The following ECT2L variants were observed in gnomAD, a reference collection of about 807,000 sequenced individuals.
ECT2L encodes epithelial cell-transforming sequence 2 oncogene-like.
In ECT2L, 126 loss-of-function variants were observed where a neutral mutation model predicts 122.8. The ratio of observed to expected loss-of-function variants is 1.03; its 90% CI spans 0.89 to 1.19. The LOEUF (loss-of-function observed/expected upper bound fraction) is 1.19, where lower values mean the gene tolerates loss of function less well. ECT2L is among the 50% of genes most tolerant of loss of function. The pLI, the probability that ECT2L is intolerant of heterozygous loss-of-function variation, is 0.00. For missense variants in ECT2L, 1,012 were observed against 1,064.1 expected (o/e 0.95, Z 0.68); for synonymous variants, 385 against 381.8 (o/e 1.01, Z -0.10).
intron 4 of ECT2L, among the ~76,000 whole-genome samples, chr6:138,835,551 CAAAA>C (rs34328066): frequency 1.7e-5 from 2 of 117,870 alleles, no homozygotes. Context: ...GGCCCTGTCT[CAAAA>C]AAAAAAAAAA....
At position 138,813,204 on chromosome 6, in the gene ECT2L, C is replaced by A; in HGVS notation, c.-71C>A. On this transcript the variant is annotated 5_prime_UTR_variant, in exon 3 of 22. In the 5' UTR this introduces an upstream ATG that the reference lacks. Transcript: ENST00000541398. ...TAATTGCACACCTATTGAAATAAACCTGTAGTTTCTAGAAGTGGAAGAAAA... is the reference window on the plus strand; with the variant it reads ...TAATTGCACACCTATTGAAATAAACATGTAGTTTCTAGAAGTGGAAGAAAA... 9.2e-7 allele frequency: 1 copy of A among 1,087,318 alleles called. No individual in the cohort carries two copies. The highest frequency in any genetic ancestry group is 1.4e-5 in the South Asian group (1 of 71,532). 67.4% of individuals were successfully genotyped at this position (1,087,318 alleles called of 1,614,324 possible).
chr6:138,878,084 A>G (rs772057605), intron 14 of ECT2L, among the ~76,000 whole-genome samples: 1 of 152,176 alleles, frequency 6.6e-6, no homozygotes, highest in Non-Finnish European at 1.5e-5. Flanking sequence ...CATTTTAAAC[A>G]AGGCACTTAT....
intron 20 of ECT2L, among the ~76,000 whole-genome samples, chr6:138,889,451 C>T (rs1210262765): frequency 6.6e-6 from 1 of 152,100 alleles, no homozygotes; most frequent in African/African-American, 2.4e-5. Context: ...TTCCAAGTAG[C>T]TGAGATTACA....
intron 20 of ECT2L, among the ~76,000 whole-genome samples, chr6:138,895,419 CAT>C (rs1178856530): frequency 6.6e-6 from 1 of 152,114 alleles, no homozygotes; most frequent in Non-Finnish European, 1.5e-5. Flanking sequence ...TGCCTAAAGT[CAT>C]AGAATAAGTG....
At chr6:138,849,567 G>T (rs1582610967) in intron 9 of ECT2L, 133 bp downstream of exon 9, 5 of 854,896 alleles carry the variant, frequency 5.8e-6, no homozygotes, top group Non-Finnish European at 8.3e-6. Flanking sequence ...TATGAAAAAA[G>T]CGAAGCTTTT....
intron 1 of ECT2L, among the ~76,000 whole-genome samples, chr6:138,801,970 G>A (rs373476671): frequency 2.6e-5 from 4 of 152,148 alleles, no homozygotes; most frequent in Admixed American, 1.3e-4. Context: ...GCTAAACCCC[G>A]GTTCTGATGA....
chr6:138,840,265 G>A (rs1447527537), intron 5 of ECT2L, among the ~76,000 whole-genome samples: 1 of 152,020 alleles, frequency 6.6e-6, no homozygotes, highest in African/African-American at 2.4e-5. Flanking sequence ...GGAAGAAAGT[G>A]CATATAAATG....
At chr6:138,864,918 TG>T in intron 11 of ECT2L, 77 bp from the exon 12 acceptor site, 1 of 1,366,484 alleles carries the variant, frequency 7.3e-7, no homozygotes, top group Non-Finnish European at 1.0e-6. Context: ...ACTAAGATTT[TG>T]TTGTACTTTA....
At chr6:138,874,146 A>G (rs1157388) in intron 13 of ECT2L, among the ~76,000 whole-genome samples, 47,393 of 151,966 alleles carry the variant, frequency 0.31, 7,690 homozygotes, top group Admixed American at 0.4. Context: ...AGAAGCATCA[A>G]CAATGACTAG....
At chr6:138,826,092 A>T (rs1210203655) in intron 4 of ECT2L, among the ~76,000 whole-genome samples, 2 of 152,214 alleles carry the variant, frequency 1.3e-5, no homozygotes, top group Non-Finnish European at 2.9e-5. Flanking sequence ...CTTCCAGTCC[A>T]CAGGCTCCTC....
At chr6:138,800,949 C>T (rs1775522045) in intron 1 of ECT2L, among the ~76,000 whole-genome samples, 1 of 152,150 alleles carries the variant, frequency 6.6e-6, no homozygotes, top group Non-Finnish European at 1.5e-5. Context: ...GCATTCTCCG[C>T]AGGGGAGGAA....
At chr6:138,868,241 A>G in intron 13 of ECT2L, 35 bp downstream of exon 13, 1 of 1,560,182 alleles carries the variant, frequency 6.4e-7, no homozygotes, top group Non-Finnish European at 8.8e-7. Context: ...AACTATGAAA[A>G]CCAACATTTA....
At chr6:138,879,179 TG>T in intron 14 of ECT2L, 1 of 280,118 alleles carries the variant, frequency 3.6e-6, no homozygotes, top group South Asian at 3.6e-5. Flanking sequence ...TGACAAGCCT[TG>T]CTATTCACAA....
chr6:138,853,836 G>A (rs923197347), intron 9 of ECT2L, among the ~76,000 whole-genome samples, 190 bp from the exon 10 acceptor site: 1 of 152,180 alleles, frequency 6.6e-6, no homozygotes, highest in African/African-American at 2.4e-5. Flanking sequence ...ATTTACCCAG[G>A]ATGTGAAGGA....
chr6:138,897,131 T>A (rs559883059), intron 20 of ECT2L, among the ~76,000 whole-genome samples: 1 of 152,242 alleles, frequency 6.6e-6, no homozygotes, highest in East Asian at 1.9e-4. Context: ...TATCTGTAAA[T>A]AAGCAAAGAA....
intron 4 of ECT2L, among the ~76,000 whole-genome samples, chr6:138,820,109 C>A (rs762352457): frequency 1.1e-4 from 16 of 152,118 alleles, no homozygotes; most frequent in Non-Finnish European, 2.1e-4. Flanking sequence ...CTGATTTCCA[C>A]CCCCTACAAG....
At chr6:138,845,854 T>G (rs192230717) in intron 7 of ECT2L, among the ~76,000 whole-genome samples, 1 of 152,128 alleles carries the variant, frequency 6.6e-6, no homozygotes, top group East Asian at 1.9e-4. Flanking sequence ...GAGGATCACT[T>G]GAATTCAGGA....
intron 13 of ECT2L, among the ~76,000 whole-genome samples, chr6:138,869,268 A>C (rs1562483922): frequency 6.6e-6 from 1 of 152,236 alleles, no homozygotes; most frequent in Non-Finnish European, 1.5e-5. Context: ...TCAATAATCT[A>C]AATTCTCTAG....
chr6:138,891,922 A>G (rs1011241908), intron 20 of ECT2L, among the ~76,000 whole-genome samples: 8 of 152,150 alleles, frequency 5.3e-5, no homozygotes, highest in Non-Finnish European at 8.8e-5. Context: ...TTATGCCTAG[A>G]TGTAGACTTT....
Sources: allele counts gnomAD v4.1 joint callset (sites outside exome capture counted in the v4.1 genomes callset), GRCh38; gene constraint gnomAD v4.1.1; transcripts MANE v1.5; gene names NCBI Gene and HGNC (gene_info 2026-07-23, HGNC 2026-07-21).